Variants in VWC2 observed in about 807,000 individuals in gnomAD.
VWC2 encodes brorin.
A neutral mutation model predicts 29.8 loss-of-function variants in VWC2; 14 were observed. That is an observed-to-expected ratio of 0.47 (90% CI 0.31 to 0.74). VWC2 has a LOEUF of 0.74. VWC2 is among the 30% of genes least tolerant of loss of function. The probability of loss-of-function intolerance (pLI) is 0.05; values close to 1 mark genes in which losing one functional copy is unlikely to be tolerated. For missense variants in VWC2, 457 were observed against 459.8 expected (o/e 0.99, Z 0.05); for synonymous variants, 213 against 199.0 (o/e 1.07, Z -0.59).
intron 3 of VWC2, among the ~76,000 whole-genome samples, chr7:49,839,464 A>G (rs1789743430): frequency 6.6e-6 from 1 of 152,204 alleles, no homozygotes; most frequent in Non-Finnish European, 1.5e-5. Context: ...TATCCCTCCA[A>G]AATTTCTTGT....
At chr7:49,881,461 C>T (rs953385880) in intron 3 of VWC2, among the ~76,000 whole-genome samples, 5 of 152,154 alleles carry the variant, frequency 3.3e-5, no homozygotes, top group Admixed American at 3.3e-4. Context: ...TTGTGCCTAA[C>T]CCTACCTCAC....
At chr7:49,863,971 T>C (rs1006991011) in intron 3 of VWC2, among the ~76,000 whole-genome samples, 5 of 152,246 alleles carry the variant, frequency 3.3e-5, no homozygotes, top group Admixed American at 2.0e-4. Flanking sequence ...CTTTATTTTG[T>C]TTTAAAATAT....
rs538903483 is a variant in VWC2, at chr7:49,782,661, A to G, written c.696+6530A>G. 4.7e-4 allele frequency among the ~76,000 whole-genome samples: 71 copies of G among 151,056 alleles called. 1 individual carries two copies. Among genetic ancestry groups the G allele is most frequent in the African/African-American group, 1.5e-3 (62 of 41,172 alleles). On this transcript the variant is annotated intron_variant, in intron 2 of 3. Transcript: ENST00000340652. ...GGAGTTCAAGCCCAGTCTAGACAACATAGTGAGGCCACATCTCTACAACAA... is the reference window on the plus strand; with the variant it reads ...GGAGTTCAAGCCCAGTCTAGACAACGTAGTGAGGCCACATCTCTACAACAA...
chr7:49,816,699 A>G (rs491461), intron 3 of VWC2, among the ~76,000 whole-genome samples: 133,751 of 152,234 alleles, frequency 0.88, 59,152 homozygotes, highest in East Asian at 0.94. Flanking sequence ...GGAGAAAAAA[A>G]CAACTGATGG....
chr7:49,905,903 C>T (rs199636165), intron 3 of VWC2, among the ~76,000 whole-genome samples: 30 of 149,200 alleles, frequency 2.0e-4, no homozygotes, highest in East Asian at 1.4e-3. Flanking sequence ...CACTGCTACA[C>T]TCCCACCAGC....
At chr7:49,809,858 A>C (rs1788961340) in intron 3 of VWC2, among the ~76,000 whole-genome samples, 1 of 152,050 alleles carries the variant, frequency 6.6e-6, no homozygotes, top group Non-Finnish European at 1.5e-5. Context: ...ACTAGGCATA[A>C]AAGGGAACTT....
chr7:49,897,281 A>G (rs1378612393), intron 3 of VWC2, among the ~76,000 whole-genome samples: 1 of 152,226 alleles, frequency 6.6e-6, no homozygotes, highest in Non-Finnish European at 1.5e-5. Context: ...ATCTCATCCA[A>G]TAATTTCCCA....
In VWC2 at chr7:49,912,198, A is replaced by G. The variant is rs1793493633; in HGVS notation, c.*13A>G. On this transcript the variant is annotated 3_prime_UTR_variant, in exon 4 of 4. Coordinates refer to ENST00000340652, the MANE Select transcript of VWC2 (RefSeq NM_198570.5). ...CAGGCAAATGTAGACGCTTCCCAGA[A>G]CACAAACTCTGACTTTTTCTAGAAC... 1.2e-6 allele frequency: 2 copies of G among 1,613,014 alleles called. No individual in the cohort carries two copies. Among genetic ancestry groups the G allele is most frequent in the South Asian group, 2.2e-5 (2 of 90,974 alleles).
chr7:49,910,230 G>A (rs1232110588), intron 3 of VWC2, among the ~76,000 whole-genome samples: 4 of 152,292 alleles, frequency 2.6e-5, no homozygotes, highest in East Asian at 1.9e-4. Flanking sequence ...CCTCCTGGGC[G>A]AACTCGAAAA....
chr7:49,851,800 G>C (rs1790188811), intron 3 of VWC2, among the ~76,000 whole-genome samples: 1 of 151,896 alleles, frequency 6.6e-6, no homozygotes, highest in African/African-American at 2.4e-5. Flanking sequence ...AGAGTTTGCA[G>C]AGCCGAGCTT....
chr7:49,778,175 A>C (rs1401968926), intron 2 of VWC2, among the ~76,000 whole-genome samples: 2 of 151,936 alleles, frequency 1.3e-5, no homozygotes, highest in Non-Finnish European at 2.9e-5. Flanking sequence ...TATGGAGGAG[A>C]GGGATCTCTC....
At chr7:49,847,903 G>T (rs1236702417) in intron 3 of VWC2, among the ~76,000 whole-genome samples, 1 of 152,168 alleles carries the variant, frequency 6.6e-6, no homozygotes, top group African/African-American at 2.4e-5. Flanking sequence ...GCACTCACAG[G>T]TGAGTGGTTT....
intron 3 of VWC2, among the ~76,000 whole-genome samples, chr7:49,885,750 GT>G (rs1172610435): frequency 6.6e-6 from 1 of 152,232 alleles, no homozygotes; most frequent in East Asian, 1.9e-4. Flanking sequence ...TTTAGATGCG[GT>G]TAAAGTATTG....
intron 3 of VWC2, 118 bp downstream of exon 3, chr7:49,802,958 A>G (rs112275825): frequency 7.9e-7 from 1 of 1,271,400 alleles, no homozygotes; most frequent in African/African-American, 1.5e-5. Flanking sequence ...ATGTATCAAT[A>G]CACATGCGTA....
chr7:49,775,999 G>C lies in VWC2; in HGVS notation c.564G>C (p.Ala188=). ...CLCTEEGPLC[A]QPECPRLHPR... is the part of the protein sequence containing the mutation. ...GCACCGAGGAGGGGCCGCTGTGCGC[G>C]CAGCCCGAGTGCCCGAGGCTGCACC... Residue 188 remains alanine, a synonymous_variant, in exon 2 of 4, where the codon GCG becomes GCC. Transcript: ENST00000340652. The C allele has an allele frequency of 6.5e-7, 1 of 1,544,606 alleles. No homozygotes were observed. The highest frequency in any genetic ancestry group is 8.7e-7 in the Non-Finnish European group (1 of 1,149,126).
chr7:49,810,315 A>G (rs1020675182), intron 3 of VWC2, among the ~76,000 whole-genome samples: 3 of 152,074 alleles, frequency 2.0e-5, no homozygotes, highest in Admixed American at 2.0e-4. Flanking sequence ...CAAAAAGAAT[A>G]GATACTTAGA....
chr7:49,783,016 G>A (rs1040048770), intron 2 of VWC2, among the ~76,000 whole-genome samples: 9 of 152,252 alleles, frequency 5.9e-5, no homozygotes, highest in Non-Finnish European at 8.8e-5. Flanking sequence ...CAGCTCAGGG[G>A]GAGGTAGCCA....
At chr7:49,795,635 T>A (rs1788570810) in intron 2 of VWC2, among the ~76,000 whole-genome samples, 1 of 152,228 alleles carries the variant, frequency 6.6e-6, no homozygotes, top group Non-Finnish European at 1.5e-5. Context: ...AGCAGCTCTT[T>A]GTGAAGTGTT....
In VWC2 at chr7:49,920,729, AT is replaced by A. The variant is rs1318649334; in HGVS notation, c.*8546del. On this transcript the variant is annotated 3_prime_UTR_variant, in exon 4 of 4. Transcript: ENST00000340652. Reference sequence around the variant, plus strand: ...GTGTTATTTACTATTTATAATTTGAATTGTTTAAAATAATTTTAAATACTTA... The same window carrying A: ...GTGTTATTTACTATTTATAATTTGAATGTTTAAAATAATTTTAAATACTTA... 2 of 59,330 alleles carry A rather than the reference AT, an allele frequency of 3.4e-5. No homozygotes were observed. Among genetic ancestry groups the A allele is most frequent in the African/African-American group, 1.4e-4 (2 of 14,054 alleles). 3.7% of individuals were successfully genotyped at this position (59,330 alleles called of 1,614,324 possible).
Sources: allele counts gnomAD v4.1 joint callset (sites outside exome capture counted in the v4.1 genomes callset), GRCh38; gene constraint gnomAD v4.1.1; transcripts MANE v1.5; gene names NCBI Gene and HGNC (gene_info 2026-07-23, HGNC 2026-07-21).